The following CNIH3 variants were observed in gnomAD, a reference collection of about 807,000 sequenced individuals.
CNIH3 encodes protein cornichon homolog 3.
A neutral mutation model predicts 24.1 loss-of-function variants in CNIH3; 14 were observed. The observed-to-expected ratio is 0.58, with a 90% CI of 0.38 to 0.91. The LOEUF is 0.91. Ranked by LOEUF, CNIH3 falls within the 40% of genes least tolerant of loss-of-function variation. The pLI is 0.00. For synonymous variants in CNIH3, 68 were observed against 73.8 expected (o/e 0.92, Z 0.40); for missense variants, 178 against 196.8 (o/e 0.90, Z 0.57).
intron 1 of CNIH3, among the ~76,000 whole-genome samples, chr1:224,461,941 T>TAGCAC (rs1675928231): frequency 6.6e-6 from 1 of 152,244 alleles, no homozygotes; most frequent in Non-Finnish European, 1.5e-5. Flanking sequence ...AGCACAGTGT[T>TAGCAC]TTCAATGTTC....
intron 1 of CNIH3, among the ~76,000 whole-genome samples, chr1:224,623,910 A>C (rs2125068795): frequency 6.6e-6 from 1 of 152,240 alleles, no homozygotes; most frequent in South Asian, 2.1e-4. Flanking sequence ...TTTGGTCCCC[A>C]GGCCCTCTAA....
chr1:224,660,644 G>C (rs1219630109), intron 1 of CNIH3, among the ~76,000 whole-genome samples: 1 of 151,946 alleles, frequency 6.6e-6, no homozygotes, highest in Non-Finnish European at 1.5e-5. Context: ...CAATTGTCAA[G>C]ACCTACCAAA....
chr1:224,660,186 T>TA (rs1685280167), intron 1 of CNIH3, among the ~76,000 whole-genome samples: 1 of 152,182 alleles, frequency 6.6e-6, no homozygotes, highest in African/African-American at 2.4e-5. Flanking sequence ...TATTTGGACT[T>TA]ACAGTTCCAC....
chr1:224,738,012 T>C (rs1689683469), intron 5 of CNIH3, among the ~76,000 whole-genome samples: 1 of 152,240 alleles, frequency 6.6e-6, no homozygotes, highest in Non-Finnish European at 1.5e-5. Context: ...TTCTGGATCA[T>C]GCCTGTTCCT....
At chr1:224,546,004 C>G (rs781559430) in intron 2 of CNIH3, among the ~76,000 whole-genome samples, 1 of 152,114 alleles carries the variant, frequency 6.6e-6, no homozygotes, top group Non-Finnish European at 1.5e-5. Flanking sequence ...GTGTCCTAAG[C>G]TCCTCTTCTT....
chr1:224,561,039 A>G (rs764416023), intron 3 of CNIH3, among the ~76,000 whole-genome samples: 25 of 152,136 alleles, frequency 1.6e-4, no homozygotes, highest in Non-Finnish European at 3.5e-4. Context: ...TTTGTGGAAT[A>G]CCAGTTTGAG....
intron 1 of CNIH3, among the ~76,000 whole-genome samples, chr1:224,444,379 T>C (rs1370269552): frequency 1.3e-5 from 2 of 152,142 alleles, no homozygotes; most frequent in Non-Finnish European, 2.9e-5. Context: ...TATTTTTATT[T>C]TTATTTTTGA....
At chr1:224,663,110 A>G (rs1235469471) in intron 1 of CNIH3, among the ~76,000 whole-genome samples, 1 of 152,140 alleles carries the variant, frequency 6.6e-6, no homozygotes, top group Non-Finnish European at 1.5e-5. Flanking sequence ...TAGATGAGCA[A>G]CATACAAGCC....
At chr1:224,513,455 C>T (rs1678252057), upstream of CNIH3, among the ~76,000 whole-genome samples, 1 of 151,772 alleles carries the variant, frequency 6.6e-6, no homozygotes, top group African/African-American at 2.4e-5. Context: ...GCTGGGATTA[C>T]AGGTGTGAGC....
intron 1 of CNIH3, among the ~76,000 whole-genome samples, chr1:224,646,835 A>G (rs1367023335): frequency 6.6e-6 from 1 of 152,172 alleles, no homozygotes; most frequent in African/African-American, 2.4e-5. Context: ...TGAACTATAG[A>G]GTATGAGTGC....
intron 4 of CNIH3, among the ~76,000 whole-genome samples, chr1:224,580,285 A>G (rs984861965): frequency 2.6e-5 from 4 of 152,242 alleles, no homozygotes; most frequent in Admixed American, 1.3e-4. Context: ...GTGATCAGCC[A>G]CTCATCCATC....
At chr1:224,436,692 G>A (rs1674683655) in intron 1 of CNIH3, 1 of 152,142 alleles carries the variant, frequency 6.6e-6, no homozygotes, top group Non-Finnish European at 1.5e-5. Flanking sequence ...TGGGTCTTTA[G>A]GTCTTTCTAA....
At chr1:224,474,364 CA>C (rs34695653) in intron 1 of CNIH3, among the ~76,000 whole-genome samples, 58,649 of 111,634 alleles carry the variant, frequency 0.53, 13,221 homozygotes, top group East Asian at 0.73. Flanking sequence ...AACTTCGCCT[CA>C]AAAAAAAAAA....
At chr1:224,638,207 G>A (rs1037295290) in intron 1 of CNIH3, among the ~76,000 whole-genome samples, 3 of 152,232 alleles carry the variant, frequency 2.0e-5, no homozygotes, top group Admixed American at 6.5e-5. Context: ...TGGCTGACCC[G>A]GCCCTTGGAT....
At chr1:224,454,238 G>C in intron 1 of CNIH3, 1 of 926,132 alleles carries the variant, frequency 1.1e-6, no homozygotes. Flanking sequence ...ATCATTTACA[G>C]GCTCATTTCT....
chr1:224,566,479 G>A (rs1218995809), intron 4 of CNIH3, among the ~76,000 whole-genome samples: 1 of 151,852 alleles, frequency 6.6e-6, no homozygotes, highest in African/African-American at 2.4e-5. Flanking sequence ...CCATCAACCC[G>A]TCATCTACAT....
intron 2 of CNIH3, among the ~76,000 whole-genome samples, chr1:224,527,258 G>T (rs1678885100): frequency 6.6e-6 from 1 of 152,194 alleles, no homozygotes; most frequent in South Asian, 2.1e-4. Context: ...AGGGGCTCTA[G>T]CCTGCTGTCA....
intron 1 of CNIH3, among the ~76,000 whole-genome samples, chr1:224,623,375 C>G (rs1298112990): frequency 4.6e-5 from 7 of 152,236 alleles, no homozygotes; most frequent in African/African-American, 1.4e-4. Flanking sequence ...CTCAGTCTCC[C>G]AGGAGTCTAC....
chr1:224,444,413 A>G (rs1675057237), intron 1 of CNIH3, among the ~76,000 whole-genome samples: 1 of 151,998 alleles, frequency 6.6e-6, no homozygotes, highest in African/African-American at 2.4e-5. Flanking sequence ...TCTGTTGCCT[A>G]GGCTGGAGTG....
Sources: allele counts gnomAD v4.1 joint callset (sites outside exome capture counted in the v4.1 genomes callset), GRCh38; gene constraint gnomAD v4.1.1; transcripts MANE v1.5; gene names NCBI Gene and HGNC (gene_info 2026-07-23, HGNC 2026-07-21).